Variants in RNF180 observed in about 807,000 individuals in gnomAD.
RNF180 encodes the protein E3 ubiquitin-protein ligase RNF180.
Under a neutral mutation model 59.2 loss-of-function variants are expected in RNF180, and 38 were observed. The ratio of observed to expected loss-of-function variants is 0.64; its 90% CI spans 0.50 to 0.84. RNF180 has a LOEUF of 0.84. Among genes scored for constraint, RNF180 ranks in the 40% least tolerant of loss-of-function variants. The pLI, the probability that RNF180 is intolerant of heterozygous loss-of-function variation, is 0.00. For missense variants in RNF180, 705 were observed against 700.9 expected (o/e 1.01, Z -0.07); for synonymous variants, 262 against 240.3 (o/e 1.09, Z -0.84).
intron 7 of RNF180, among the ~76,000 whole-genome samples, chr5:64,358,499 A>G (rs1746114891): frequency 6.6e-6 from 1 of 151,812 alleles, no homozygotes; most frequent in African/African-American, 2.4e-5. Context: ...GTTATTAGAA[A>G]TGGCTCAAGA....
Position 64,372,355 on chromosome 5 carries a change from C to A in RNF180, c.*2541C>A, listed in dbSNP as rs576934540. The A allele has an allele frequency of 1.3e-5, 2 of 151,698 alleles. No homozygotes were observed. Among genetic ancestry groups the A allele is most frequent in the East Asian group, 3.9e-4 (2 of 5,152 alleles). 9.4% of individuals were successfully genotyped at this position (151,698 alleles called of 1,614,324 possible). A position where few individuals can be genotyped will look rare whatever the true frequency, so the allele number is the denominator to read the frequency against. On this transcript the variant is annotated 3_prime_UTR_variant, in exon 8 of 8. Transcript: ENST00000389100. ...AAAAAGAATCAGAATTTATATTTTA[C>A]AAAGCTTCTACCACTCTGAATCAAC...
chr5:64,229,190 G>T (rs1011806993), intron 5 of RNF180, among the ~76,000 whole-genome samples: 4 of 152,008 alleles, frequency 2.6e-5, no homozygotes, highest in Admixed American at 2.6e-4. Flanking sequence ...CTCCCAAAGT[G>T]CTGGGATTAC....
At chr5:64,273,293 C>G (rs1741524123) in intron 5 of RNF180, among the ~76,000 whole-genome samples, 1 of 151,974 alleles carries the variant, frequency 6.6e-6, no homozygotes. Flanking sequence ...TAATCCACCC[C>G]TTGTTTAGCA....
At chr5:64,259,314 C>A (rs955789041) in intron 5 of RNF180, among the ~76,000 whole-genome samples, 2 of 152,040 alleles carry the variant, frequency 1.3e-5, no homozygotes, top group Non-Finnish European at 2.9e-5. Flanking sequence ...TTGGGGGGAA[C>A]AGTGAAAGAA....
At chr5:64,195,700 G>A (rs1751421427) in intron 1 of RNF180, among the ~76,000 whole-genome samples, 1 of 152,244 alleles carries the variant, frequency 6.6e-6, no homozygotes, top group Non-Finnish European at 1.5e-5. Context: ...TAAAGTAAAT[G>A]TGAGCTATAC....
At chr5:64,177,255 G>GT (rs1245551408) in intron 1 of RNF180, among the ~76,000 whole-genome samples, 33 of 152,076 alleles carry the variant, frequency 2.2e-4, no homozygotes. Context: ...CCGACTTAGT[G>GT]TTTTGGCTTA....
Position 64,213,723 on chromosome 5 carries a change from C to T in RNF180, c.397C>T (p.Pro133Ser). The T allele has an allele frequency of 6.2e-7, 1 of 1,613,904 alleles. No homozygotes were observed. Among genetic ancestry groups the T allele is most frequent in the Non-Finnish European group, 8.5e-7 (1 of 1,179,790 alleles). The change falls in exon 4 of 8, where the codon CCA becomes TCA. Residue 133 changes from proline to serine, a missense_variant. By Grantham distance (74) the Pro-to-Ser change is moderately conservative. Coordinates refer to ENST00000389100, the MANE Select transcript of RNF180 (RefSeq NM_001113561.2). The part of the protein sequence containing the change: ...QPTQAGRLMR[P>S]SVKYLSHPRV... ...AACACAGGCAGGCAGACTAATGAGACCATCAGTGAAATACTTGTCACATCC... is the reference window on the plus strand; with the variant it reads ...AACACAGGCAGGCAGACTAATGAGATCATCAGTGAAATACTTGTCACATCC...
chr5:64,189,636 A>G (rs769360097), intron 1 of RNF180, among the ~76,000 whole-genome samples: 1 of 152,216 alleles, frequency 6.6e-6, no homozygotes, highest in Non-Finnish European at 1.5e-5. Context: ...AGTCAACTCA[A>G]AAGGAGAAAG....
intron 5 of RNF180, among the ~76,000 whole-genome samples, chr5:64,252,182 C>T (rs1743621689): frequency 6.6e-6 from 1 of 152,150 alleles, no homozygotes; most frequent in Admixed American, 6.6e-5. Flanking sequence ...AAAACAAACA[C>T]ATATACCAAT....
At chr5:64,173,864 C>T (rs185009866) in intron 1 of RNF180, among the ~76,000 whole-genome samples, 1 of 152,068 alleles carries the variant, frequency 6.6e-6, no homozygotes, top group Admixed American at 6.5e-5. Flanking sequence ...TATAGGCATG[C>T]ACCACCACAC....
At position 64,229,659 on chromosome 5, in the gene RNF180, A is replaced by T. The variant is rs985134705; in HGVS notation, c.1227+12263A>T. Among the ~76,000 whole-genome samples, 7 of 152,196 alleles carry T rather than the reference A, an allele frequency of 4.6e-5. No homozygotes were observed. The South Asian group carries it at 1.0e-3, about 22-fold the overall frequency. ...CAGCTACTCTGGGTTAATGCTTGGGATAACTTATTTTTAAGGGTTAGGGTT... is the reference window on the plus strand; with the variant it reads ...CAGCTACTCTGGGTTAATGCTTGGGTTAACTTATTTTTAAGGGTTAGGGTT... On this transcript the variant is annotated intron_variant, in intron 5 of 7. Transcript: ENST00000389100.
At chr5:64,283,099 T>C (rs1742094845) in intron 5 of RNF180, among the ~76,000 whole-genome samples, 1 of 152,208 alleles carries the variant, frequency 6.6e-6, no homozygotes, top group Non-Finnish European at 1.5e-5. Flanking sequence ...AGCACAATGT[T>C]GAAGCCACCT....
At chr5:64,308,747 G>A (rs2112475230) in intron 5 of RNF180, among the ~76,000 whole-genome samples, 1 of 151,758 alleles carries the variant, frequency 6.6e-6, no homozygotes, top group East Asian at 1.9e-4. Flanking sequence ...CTTAAAATTG[G>A]AATATGCAAC....
intron 1 of RNF180, among the ~76,000 whole-genome samples, chr5:64,182,154 C>A (rs554484716): frequency 6.6e-6 from 1 of 152,096 alleles, no homozygotes; most frequent in South Asian, 2.1e-4. Context: ...CCACGCCTGG[C>A]TAATTTTTTT....
At chr5:64,358,160 T>C (rs2112598153) in intron 7 of RNF180, among the ~76,000 whole-genome samples, 1 of 151,858 alleles carries the variant, frequency 6.6e-6, no homozygotes, top group East Asian at 1.9e-4. Flanking sequence ...AACATCATCC[T>C]AAACCTTGGA....
intron 7 of RNF180, among the ~76,000 whole-genome samples, chr5:64,344,303 G>A (rs1305347905): frequency 1.3e-5 from 2 of 151,948 alleles, no homozygotes; most frequent in East Asian, 1.9e-4. Flanking sequence ...CTATGTTAAT[G>A]TAAAAAATTA....
At chr5:64,192,938 T>A (rs1043133883) in intron 1 of RNF180, among the ~76,000 whole-genome samples, 4 of 133,504 alleles carry the variant, frequency 3.0e-5, no homozygotes, top group East Asian at 4.3e-4. Context: ...TATATATATA[T>A]AAAATGAAAC....
chr5:64,346,147 C>T (rs1025327168), intron 7 of RNF180, among the ~76,000 whole-genome samples: 3 of 151,486 alleles, frequency 2.0e-5, no homozygotes, highest in Non-Finnish European at 4.4e-5. Context: ...ATTGGGCTTC[C>T]CAAAATAGAG....
intron 1 of RNF180, among the ~76,000 whole-genome samples, chr5:64,189,985 C>T (rs1464612373): frequency 2.0e-5 from 3 of 152,198 alleles, no homozygotes; most frequent in African/African-American, 7.2e-5. Flanking sequence ...GATGCCTCCA[C>T]AGGCCCAGAG....
Sources: allele counts gnomAD v4.1 joint callset (sites outside exome capture counted in the v4.1 genomes callset), GRCh38; gene constraint gnomAD v4.1.1; transcripts MANE v1.5; gene names NCBI Gene and HGNC (gene_info 2026-07-23, HGNC 2026-07-21).